The following GPC5 variants were observed in gnomAD, a reference collection of about 807,000 sequenced individuals.
GPC5 encodes glypican-5.
A neutral mutation model predicts 53.9 loss-of-function variants in GPC5; 47 were observed. The ratio of observed to expected loss-of-function variants is 0.87; its 90% CI spans 0.69 to 1.11. GPC5 has a LOEUF of 1.11. GPC5 is among the 50% of genes most tolerant of loss of function. The pLI is 0.00. For synonymous variants in GPC5, 286 were observed against 263.3 expected (o/e 1.09, Z -0.84); for missense variants, 748 against 713.1 (o/e 1.05, Z -0.56).
At chr13:91,974,645 G>C (rs1314412993) in intron 6 of GPC5, among the ~76,000 whole-genome samples, 5 of 152,084 alleles carry the variant, frequency 3.3e-5, no homozygotes, top group African/African-American at 4.8e-5. Context: ...GAAGAACATT[G>C]CATGCTCATG....
intron 2 of GPC5, among the ~76,000 whole-genome samples, chr13:91,499,095 G>A (rs888779228): frequency 2.6e-5 from 4 of 152,174 alleles, no homozygotes; most frequent in Non-Finnish European, 5.9e-5. Context: ...TGAGTTTTTG[G>A]AGGTAGAGTT....
chr13:92,810,155 TATA>T (rs1332749009), intron 7 of GPC5, among the ~76,000 whole-genome samples: 1 of 151,972 alleles, frequency 6.6e-6, no homozygotes, highest in African/African-American at 2.4e-5. Flanking sequence ...GAAAAACCCC[TATA>T]CTTGTGAAAT....
At chr13:92,710,316 A>C (rs561073215) in intron 7 of GPC5, among the ~76,000 whole-genome samples, 13 of 152,338 alleles carry the variant, frequency 8.5e-5, no homozygotes, top group African/African-American at 3.1e-4. Context: ...GAACTCACTA[A>C]TGTCATTGAA....
At chr13:91,848,597 G>T (rs1005468392) in intron 5 of GPC5, among the ~76,000 whole-genome samples, 8 of 152,210 alleles carry the variant, frequency 5.3e-5, no homozygotes, top group African/African-American at 1.7e-4. Flanking sequence ...GAACAATGAA[G>T]AGGGTAGAAA....
chr13:91,770,663 G>A (rs753304046), intron 5 of GPC5, among the ~76,000 whole-genome samples: 64 of 151,280 alleles, frequency 4.2e-4, no homozygotes, highest in Non-Finnish European at 8.3e-4. Flanking sequence ...CCCAGTCGCC[G>A]CTTTAGGAGC....
chr13:92,279,148 T>A (rs1433446566), intron 7 of GPC5, among the ~76,000 whole-genome samples: 1 of 152,058 alleles, frequency 6.6e-6, no homozygotes, highest in Non-Finnish European at 1.5e-5. Context: ...GTATTTTGAT[T>A]ACCAATACAG....
intron 7 of GPC5, among the ~76,000 whole-genome samples, chr13:92,322,883 C>T (rs1357976596): frequency 6.6e-6 from 1 of 152,034 alleles, no homozygotes; most frequent in Non-Finnish European, 1.5e-5. Flanking sequence ...AAGGAAGCAT[C>T]TGCATCTCAC....
intron 7 of GPC5, among the ~76,000 whole-genome samples, chr13:92,824,665 A>G (rs1877783662): frequency 6.6e-6 from 1 of 151,828 alleles, no homozygotes; most frequent in Non-Finnish European, 1.5e-5. Context: ...TGTAGCAGTA[A>G]AGTGAATCCT....
chr13:91,893,971 GC>G (rs35639378), intron 5 of GPC5, among the ~76,000 whole-genome samples: 34,957 of 150,790 alleles, frequency 0.23, 4,496 homozygotes, highest in African/African-American at 0.35. Context: ...TTTTTTTCTG[GC>G]CCCTGCATGG....
At chr13:92,251,347 G>GTAAATC (rs1316556362) in intron 7 of GPC5, among the ~76,000 whole-genome samples, 67 of 152,224 alleles carry the variant, frequency 4.4e-4, no homozygotes, top group Middle Eastern at 3.4e-3. Flanking sequence ...AAAATTACCA[G>GTAAATC]TGTAAGGTGG....
chr13:92,032,398 G>A (rs1054632367), intron 6 of GPC5, among the ~76,000 whole-genome samples: 4 of 150,922 alleles, frequency 2.7e-5, no homozygotes, highest in Admixed American at 6.6e-5. Flanking sequence ...ACTGACTCGT[G>A]TAACCAAATA....
rs913571659 is a variant in GPC5, at chr13:91,772,035, G to C, written c.1280+15615G>C. Among the ~76,000 whole-genome samples, 7 of 152,290 alleles carry C rather than the reference G, an allele frequency of 4.6e-5. No homozygotes were observed. The East Asian group carries it at 1.4e-3, about 29-fold the overall frequency. ...TTAAAGAGTGGAAGTGGACTGACTA[G>C]GACTAACCGAACACTGCTTGCCAAC... is the stretch of plus-strand genomic sequence containing the variant. On this transcript the variant is annotated intron_variant, in intron 5 of 7. Coordinates refer to ENST00000377067, the MANE Select transcript of GPC5 (RefSeq NM_004466.6).
At chr13:92,835,620 TTTG>T (rs1228937899) in intron 7 of GPC5, among the ~76,000 whole-genome samples, 2 of 152,066 alleles carry the variant, frequency 1.3e-5, no homozygotes, top group Non-Finnish European at 2.9e-5. Flanking sequence ...TATGTTTTAA[TTTG>T]TTGTCACTGT....
At chr13:91,737,060 T>C (rs1457234786) in intron 4 of GPC5, among the ~76,000 whole-genome samples, 1 of 151,314 alleles carries the variant, frequency 6.6e-6, no homozygotes, top group African/African-American at 2.5e-5. Context: ...GCTGAGATCA[T>C]GCCATTGCAC....
chr13:91,482,269 G>C (rs1883345633), intron 2 of GPC5, among the ~76,000 whole-genome samples: 1 of 152,186 alleles, frequency 6.6e-6, no homozygotes, highest in Admixed American at 6.5e-5. Flanking sequence ...GAGGAACAGT[G>C]TTCTTCCTCT....
intron 7 of GPC5, among the ~76,000 whole-genome samples, chr13:92,621,758 G>T (rs1325421541): frequency 6.6e-6 from 1 of 152,042 alleles, no homozygotes; most frequent in Non-Finnish European, 1.5e-5. Flanking sequence ...TGCCGAGGTT[G>T]CAGTGAACTG....
At chr13:91,442,299 T>C (rs1016303562) in intron 1 of GPC5, among the ~76,000 whole-genome samples, 1 of 152,234 alleles carries the variant, frequency 6.6e-6, no homozygotes, top group Non-Finnish European at 1.5e-5. Context: ...AATGATTTCC[T>C]TTTTTGTTGT....
intron 5 of GPC5, among the ~76,000 whole-genome samples, chr13:91,881,507 G>A (rs559750079): frequency 2.0e-5 from 3 of 151,950 alleles, no homozygotes; most frequent in African/African-American, 7.2e-5. Flanking sequence ...ATGATACATG[G>A]GTCTTTAAAA....
intron 7 of GPC5, among the ~76,000 whole-genome samples, chr13:92,419,278 A>AT (rs200724298): frequency 1.9e-3 from 286 of 150,236 alleles, no homozygotes; most frequent in Non-Finnish European, 2.8e-3. Context: ...CAGCAGTATT[A>AT]TTTTTTTTTT....
Sources: gnomAD v4.1 joint callset for allele counts (sites outside exome capture counted in the v4.1 genomes callset) on GRCh38, gnomAD v4.1.1 for gene constraint, MANE v1.5 for transcripts, NCBI Gene and HGNC (gene_info 2026-07-23, HGNC 2026-07-21) for gene names.